CCDC171: variants seen among roughly 807,000 people sequenced by gnomAD.
The protein encoded by CCDC171 is coiled-coil domain-containing protein 171.
In CCDC171, 177 loss-of-function variants were observed where a neutral mutation model predicts 168.2. The ratio of observed to expected loss-of-function variants is 1.05; its 90% confidence interval spans 0.93 to 1.19. The LOEUF (loss-of-function observed/expected upper bound fraction) is 1.19. Among genes scored for constraint, CCDC171 ranks in the 50% most tolerant of loss-of-function variants. CCDC171 has a pLI of 0.00. For missense variants in CCDC171, 1,991 were observed against 1,539.0 expected (o/e 1.29, Z -4.91); for synonymous variants, 687 against 540.8 (o/e 1.27, Z -3.75).
In CCDC171 at chr9:15,678,741, A is replaced by C; in HGVS notation, c.1077-17A>C. The C allele has an allele frequency of 1.3e-6, 2 of 1,573,452 alleles. No individual in the cohort carries two copies. The highest frequency in any genetic ancestry group is 8.6e-7 in the Non-Finnish European group (1 of 1,167,718). The stretch of plus-strand genomic sequence containing the variant: ...AAGCATGTTTGAAAAACCTGCTCTG[A>C]CACTTTAACTTTTCAGATTAGAAAA... On this transcript the variant is annotated splice_polypyrimidine_tract_variant and intron_variant, in intron 9 of 25. Coordinates refer to ENST00000380701, the MANE Select transcript of CCDC171 (RefSeq NM_173550.4).
At chr9:15,960,134 G>T (rs1430703723) in intron 25 of CCDC171, among the ~76,000 whole-genome samples, 1 of 152,144 alleles carries the variant, frequency 6.6e-6, no homozygotes, top group Non-Finnish European at 1.5e-5. Flanking sequence ...ACAGAATAAT[G>T]AGGACAGGAA....
intron 23 of CCDC171, among the ~76,000 whole-genome samples, chr9:15,865,106 T>G (rs1053596763): frequency 1.3e-5 from 2 of 152,044 alleles, no homozygotes; most frequent in African/African-American, 4.8e-5. Context: ...CTTGTGTCTA[T>G]AAATCCTTTA....
intron 6 of CCDC171, among the ~76,000 whole-genome samples, chr9:15,594,550 T>C (rs1046565770): frequency 1.3e-5 from 2 of 152,196 alleles, no homozygotes; most frequent in African/African-American, 4.8e-5. Flanking sequence ...TTTTGAACTC[T>C]TTTTAAGAAG....
chr9:15,704,077 C>A (rs1330704554), intron 11 of CCDC171, among the ~76,000 whole-genome samples: 1 of 152,144 alleles, frequency 6.6e-6, no homozygotes, highest in Admixed American at 6.5e-5. Context: ...TGCCACAAAC[C>A]TGCAGTTTGT....
chr9:15,805,985 G>A (rs1322258619), intron 21 of CCDC171, among the ~76,000 whole-genome samples: 1 of 151,340 alleles, frequency 6.6e-6, no homozygotes, highest in East Asian at 1.9e-4. Flanking sequence ...TCTTCTTGTT[G>A]AATGTCTTTC....
At chr9:15,672,779 T>G (rs914339758) in intron 9 of CCDC171, among the ~76,000 whole-genome samples, 2 of 152,356 alleles carry the variant, frequency 1.3e-5, no homozygotes, top group South Asian at 4.1e-4. Flanking sequence ...TAAAGTCAGA[T>G]AGCGTGATGC....
chr9:15,980,333 C>G (rs1474671086), intron 3 of CCDC171, among the ~76,000 whole-genome samples: 1 of 152,106 alleles, frequency 6.6e-6, no homozygotes, highest in Non-Finnish European at 1.5e-5. Context: ...TTTAAAGGTC[C>G]TAGAACTAAT....
intron 11 of CCDC171, among the ~76,000 whole-genome samples, chr9:15,713,876 G>C (rs1213876069): frequency 6.6e-6 from 1 of 151,434 alleles, no homozygotes; most frequent in Non-Finnish European, 1.5e-5. Context: ...ACTAGATTGT[G>C]ATAGAGAGCC....
At chr9:15,806,016 T>G (rs1159104782) in intron 21 of CCDC171, among the ~76,000 whole-genome samples, 1 of 152,190 alleles carries the variant, frequency 6.6e-6, no homozygotes, top group African/African-American at 2.4e-5. Context: ...TTGATCTTTG[T>G]TAGTCTAAAG....
chr9:15,595,038 A>G (rs928249519), intron 6 of CCDC171, among the ~76,000 whole-genome samples: 10 of 152,240 alleles, frequency 6.6e-5, no homozygotes, highest in Non-Finnish European at 1.5e-4. Context: ...TGCATTTTTC[A>G]CAAGAATGAA....
chr9:15,663,413 A>G (rs939008905), intron 8 of CCDC171, among the ~76,000 whole-genome samples: 1 of 152,120 alleles, frequency 6.6e-6, no homozygotes, highest in Admixed American at 6.5e-5. Context: ...TATTAGATCA[A>G]GAGTTCTTGC....
intron 24 of CCDC171, among the ~76,000 whole-genome samples, chr9:15,887,456 TAAG>T (rs1819582057): frequency 1.3e-5 from 2 of 152,054 alleles, no homozygotes; most frequent in South Asian, 4.1e-4. Context: ...AAGACTAACT[TAAG>T]AAGTAACTCA....
At chr9:15,558,842 T>G (rs1335001091) in intron 1 of CCDC171, among the ~76,000 whole-genome samples, 1 of 152,190 alleles carries the variant, frequency 6.6e-6, no homozygotes, top group Non-Finnish European at 1.5e-5. Context: ...CAATTTTAGA[T>G]CTTTCCTGCT....
intron 25 of CCDC171, among the ~76,000 whole-genome samples, chr9:15,958,384 T>G (rs1386748582): frequency 6.6e-6 from 1 of 152,048 alleles, no homozygotes. Flanking sequence ...TTATATTAAA[T>G]TTTAACTAAT....
chr9:15,602,430 C>G (rs1267872742), intron 6 of CCDC171, among the ~76,000 whole-genome samples: 1 of 151,708 alleles, frequency 6.6e-6, no homozygotes, highest in Non-Finnish European at 1.5e-5. Flanking sequence ...ATAGACAAAA[C>G]TTGTTATAAT....
intron 24 of CCDC171, among the ~76,000 whole-genome samples, chr9:15,909,075 A>G (rs1297267282): frequency 6.6e-6 from 1 of 152,222 alleles, no homozygotes; most frequent in Non-Finnish European, 1.5e-5. Flanking sequence ...AGTATATCAC[A>G]GAGTTATATA....
At chr9:15,848,836 G>A (rs563641785) in intron 22 of CCDC171, 57 bp from the exon 23 acceptor site, 11 of 914,178 alleles carry the variant, frequency 1.2e-5, no homozygotes, top group Admixed American at 2.3e-5. Context: ...ACTAAAATGT[G>A]TAACAGTTGT....
intron 11 of CCDC171, among the ~76,000 whole-genome samples, chr9:15,698,121 AC>A (rs2051361116): frequency 6.6e-6 from 1 of 152,158 alleles, no homozygotes; most frequent in Non-Finnish European, 1.5e-5. Context: ...ATATGTTTAT[AC>A]CCATTAATCT....
At chr9:15,692,668 C>T (rs1453030150) in intron 10 of CCDC171, among the ~76,000 whole-genome samples, 2 of 151,394 alleles carry the variant, frequency 1.3e-5, no homozygotes, top group Admixed American at 1.3e-4. Context: ...GCTGGGACTA[C>T]AGGCGCCCGC....
Sources: allele counts gnomAD v4.1 joint callset (sites outside exome capture counted in the v4.1 genomes callset), GRCh38; gene constraint gnomAD v4.1.1; transcripts MANE v1.5; gene names NCBI Gene and HGNC (gene_info 2026-07-23, HGNC 2026-07-21).